The following MAP2K6 variants were observed in gnomAD, a reference collection of about 807,000 sequenced individuals.
MAP2K6 encodes dual specificity mitogen-activated protein kinase kinase 6.
MAP2K6 carries 16 observed loss-of-function variants against 53.7 expected under a neutral mutation model. The observed-to-expected ratio is 0.30, with a 90% confidence interval of 0.20 to 0.45. MAP2K6 has a LOEUF of 0.45. Ranked by LOEUF, MAP2K6 falls within the 20% of genes least tolerant of loss-of-function variation. The pLI, the probability that MAP2K6 is intolerant of heterozygous loss-of-function variation, is 1.00. For missense variants in MAP2K6, 204 were observed against 411.9 expected (o/e 0.50, Z 4.37); for synonymous variants, 132 against 143.1 (o/e 0.92, Z 0.55).
chr17:69,454,557 G>T (rs1446741424), intron 1 of MAP2K6, among the ~76,000 whole-genome samples: 1 of 150,728 alleles, frequency 6.6e-6, no homozygotes, highest in Non-Finnish European at 1.5e-5. Context: ...GCTAATTTTT[G>T]TATTTTTTTT....
intron 1 of MAP2K6, among the ~76,000 whole-genome samples, chr17:69,493,264 A>T (rs1325411710): frequency 2.0e-5 from 3 of 151,870 alleles, no homozygotes; most frequent in African/African-American, 7.3e-5. Context: ...GTAAAAATTT[A>T]AAATTTTATA....
At position 69,482,611 on chromosome 17, in the gene MAP2K6, A is replaced by T. The variant is rs577894478; in HGVS notation, c.17-23169A>T. On this transcript the variant is annotated intron_variant, in intron 1 of 11. Transcript: ENST00000590474. ...TGGAGATCGTACCACATCAATACAT[A>T]AAAAAAACTTCTACATTCTTGTTTT... Among the ~76,000 whole-genome samples the T allele has an allele frequency of 3.3e-5, 5 of 151,904 alleles. No homozygotes were observed. The East Asian group carries it at 7.7e-4, about 23-fold the overall frequency.
At position 69,494,769 on chromosome 17, in the gene MAP2K6, G is replaced by T. The variant is rs1254892777; in HGVS notation, c.17-11011G>T. On this transcript the variant is annotated intron_variant, in intron 1 of 11. Transcript: ENST00000590474. This position sits in a 1 kb window ranked among gnomAD's most constrained non-coding sequence, Gnocchi z 4.2. Reference sequence around the variant, plus strand: ...GCCTGTAATCCCAGCACTTTGGGAGGCTGGGGCGGGTGGATCACCTGAGGT... The same window carrying T: ...GCCTGTAATCCCAGCACTTTGGGAGTCTGGGGCGGGTGGATCACCTGAGGT... 6.6e-6 allele frequency among the ~76,000 whole-genome samples: 1 copy of T among 152,098 alleles called. No individual in the cohort carries two copies. Among genetic ancestry groups the T allele is most frequent in the Non-Finnish European group, 1.5e-5 (1 of 68,014 alleles).
chr17:69,426,917 G>A (rs1218940894), intron 1 of MAP2K6, among the ~76,000 whole-genome samples: 3 of 152,098 alleles, frequency 2.0e-5, no homozygotes, highest in Admixed American at 1.3e-4. Flanking sequence ...TATTGCTTGT[G>A]ATTGCAATAG....
chr17:69,503,101 A>C (rs182522493), intron 1 of MAP2K6, among the ~76,000 whole-genome samples: 6 of 152,312 alleles, frequency 3.9e-5, no homozygotes, highest in African/African-American at 1.4e-4. Flanking sequence ...GGCAAAATAT[A>C]TGTTACTTTA....
intron 1 of MAP2K6, among the ~76,000 whole-genome samples, chr17:69,491,727 T>C: frequency 2.0e-5 from 1 of 48,892 alleles, no homozygotes. Flanking sequence ...CTCGCTGGCA[T>C]CTGTTATTAT....
chr17:69,535,960 T>G, intron 10 of MAP2K6, 155 bp from the exon 11 acceptor site: 1 of 595,338 alleles, frequency 1.7e-6, no homozygotes, highest in South Asian at 1.8e-5. Context: ...ACATGATACA[T>G]AAGTGTTACA....
rs1423386813 is a variant in MAP2K6 at position 69,475,772 on chromosome 17, C to G, written c.17-30008C>G. Among the ~76,000 whole-genome samples the G allele has an allele frequency of 3.3e-5, 5 of 152,268 alleles. No homozygotes were observed. In the East Asian group the frequency reaches 9.7e-4, roughly 29 times the overall value. On this transcript the variant is annotated intron_variant, in intron 1 of 11. Coordinates refer to ENST00000590474, the MANE Select transcript of MAP2K6 (RefSeq NM_002758.4). ...GGTGTGTTTGAGAGGGGGCCCTGGCCTCTGGTCCCAGGGGTGGTGGGGATG... is the reference window on the plus strand; with the variant it reads ...GGTGTGTTTGAGAGGGGGCCCTGGCGTCTGGTCCCAGGGGTGGTGGGGATG...
chr17:69,463,637 T>C (rs141278670), intron 1 of MAP2K6, among the ~76,000 whole-genome samples: 6 of 151,164 alleles, frequency 4.0e-5, no homozygotes, highest in Admixed American at 1.3e-4. Context: ...CACACACACA[T>C]ATATGTATAT....
intron 1 of MAP2K6, among the ~76,000 whole-genome samples, chr17:69,449,283 TATA>T (rs1907087107): frequency 6.6e-6 from 1 of 151,920 alleles, no homozygotes. Flanking sequence ...AAATGTTACA[TATA>T]ATATATAGTA....
chr17:69,523,451 G>A (rs779330223), intron 7 of MAP2K6, 63 bp from the exon 8 acceptor site: 1 of 1,598,542 alleles, frequency 6.3e-7, no homozygotes, highest in Non-Finnish European at 8.6e-7. Context: ...GCCCTCTGGT[G>A]GCAGAGAAAT....
At chr17:69,475,172 T>TTTG (rs1353469203) in intron 1 of MAP2K6, among the ~76,000 whole-genome samples, 1 of 145,146 alleles carries the variant, frequency 6.9e-6, no homozygotes, top group African/African-American at 2.6e-5. Flanking sequence ...GTGTTTTTTT[T>TTTG]TTTTTTTTTT....
chr17:69,486,451 C>T (rs1908540473), intron 1 of MAP2K6, among the ~76,000 whole-genome samples: 1 of 152,170 alleles, frequency 6.6e-6, no homozygotes, highest in African/African-American at 2.4e-5. Context: ...AGCCAGATTT[C>T]AGAATCTCAG....
At chr17:69,517,748 C>T in intron 4 of MAP2K6, 135 bp downstream of exon 4, 1 of 474,322 alleles carries the variant, frequency 2.1e-6, no homozygotes. Context: ...TTGCAGGGAA[C>T]AGTATTTTCC....
At chr17:69,511,852 A>G (rs536869494) in intron 2 of MAP2K6, among the ~76,000 whole-genome samples, 2 of 152,222 alleles carry the variant, frequency 1.3e-5, no homozygotes, top group East Asian at 1.9e-4. Flanking sequence ...GGTGGCGGGC[A>G]CCTGTAATCC....
intron 1 of MAP2K6, chr17:69,502,400 T>C (rs1246432346): frequency 1.0e-6 from 1 of 985,492 alleles, no homozygotes; most frequent in African/African-American, 1.7e-5. Flanking sequence ...ACTGTGCTGC[T>C]CTGTCAGAGA....
rs537199913 is a variant in MAP2K6, at chr17:69,461,825, A to G, written c.17-43955A>G. 2.0e-5 allele frequency among the ~76,000 whole-genome samples: 3 copies of G among 152,320 alleles called. No homozygotes were observed. In the South Asian group the frequency reaches 6.2e-4, roughly 32 times the overall value. The stretch of plus-strand genomic sequence containing the variant: ...TAGTCAGGAAGGAGTTCAGGCCAGC[A>G]AGATTCCATTTTAATCGTCAATCAC... On this transcript the variant is annotated intron_variant, in intron 1 of 11. Coordinates refer to ENST00000590474, the MANE Select transcript of MAP2K6 (RefSeq NM_002758.4).
rs1910639274 is a variant in MAP2K6, at chr17:69,524,150, C to T, written c.663+509C>T. Among the ~76,000 whole-genome samples the T allele has an allele frequency of 2.0e-5, 3 of 151,988 alleles. No individual in the cohort carries two copies. The South Asian group carries it at 6.2e-4, about 32-fold the overall frequency. Reference sequence around the variant, plus strand: ...CACCACATGTGCGATTAGGTTTTAACCTGTGGATTTTGGTGGGGCACAGAC... The same window carrying T: ...CACCACATGTGCGATTAGGTTTTAATCTGTGGATTTTGGTGGGGCACAGAC... On this transcript the variant is annotated intron_variant, in intron 8 of 11. Coordinates refer to ENST00000590474, the MANE Select transcript of MAP2K6 (RefSeq NM_002758.4).
At chr17:69,491,016 C>T (rs1190196660) in intron 1 of MAP2K6, among the ~76,000 whole-genome samples, 1 of 152,158 alleles carries the variant, frequency 6.6e-6, no homozygotes, top group African/African-American at 2.4e-5. Context: ...TAATATCCTC[C>T]AGCTCCACCC....
Sources: allele counts gnomAD v4.1 joint callset (sites outside exome capture counted in the v4.1 genomes callset), GRCh38; gene constraint gnomAD v4.1.1; non-coding constraint Gnocchi (gnomAD v3.1); transcripts MANE v1.5; gene names NCBI Gene and HGNC (gene_info 2026-07-23, HGNC 2026-07-21).